The following SAMMSON variants were observed in gnomAD, a reference collection of about 807,000 sequenced individuals.
The protein encoded by SAMMSON is long intergenic non-protein coding RNA 1212.
chr3:70,217,495 C>G (rs778324691), intron 4 of SAMMSON, among the ~76,000 whole-genome samples: 3 of 152,094 alleles, frequency 2.0e-5, no homozygotes, highest in Non-Finnish European at 4.4e-5. Flanking sequence ...AGAAGTTTGT[C>G]TATGCTCTGA....
intron 6 of SAMMSON, among the ~76,000 whole-genome samples, chr3:70,260,403 A>G (rs1701854675): frequency 6.6e-6 from 1 of 151,962 alleles, no homozygotes; most frequent in South Asian, 2.1e-4. Flanking sequence ...CAACAACCCT[A>G]TTTCCAAATA....
At chr3:70,392,938 G>C (rs1431681901), downstream of SAMMSON, among the ~76,000 whole-genome samples, 1 of 152,098 alleles carries the variant, frequency 6.6e-6, no homozygotes, top group Non-Finnish European at 1.5e-5. Flanking sequence ...TTGGAGCCAG[G>C]CAGATTTTAA....
intron 3 of SAMMSON, among the ~76,000 whole-genome samples, chr3:70,035,283 A>C (rs954515329): frequency 1.2e-4 from 19 of 152,160 alleles, no homozygotes; most frequent in Admixed American, 1.1e-3. Flanking sequence ...TCTTGAAGTC[A>C]GTAACAGCAC....
At chr3:70,221,938 G>T (rs896338994) in intron 4 of SAMMSON, among the ~76,000 whole-genome samples, 2 of 152,090 alleles carry the variant, frequency 1.3e-5, no homozygotes, top group Non-Finnish European at 2.9e-5. Context: ...CTATCAGTTG[G>T]GTAGATTAGT....
chr3:70,076,284 C>A (rs1040466828), intron 4 of SAMMSON, among the ~76,000 whole-genome samples: 1 of 152,050 alleles, frequency 6.6e-6, no homozygotes, highest in African/African-American at 2.4e-5. Context: ...AGGAAGAATT[C>A]TTTCTGTCTT....
intron 9 of SAMMSON, among the ~76,000 whole-genome samples, chr3:70,373,160 T>G (rs887347005): frequency 3.3e-5 from 5 of 152,162 alleles, no homozygotes; most frequent in Non-Finnish European, 7.4e-5. Context: ...TAGTCATTTT[T>G]TAAAAGCATG....
At chr3:70,129,004 C>T (rs937756544) in intron 4 of SAMMSON, among the ~76,000 whole-genome samples, 2 of 152,112 alleles carry the variant, frequency 1.3e-5, no homozygotes, top group Non-Finnish European at 2.9e-5. Context: ...TTTATGTAAG[C>T]ATCAAATGCA....
intron 4 of SAMMSON, among the ~76,000 whole-genome samples, chr3:70,142,115 C>T (rs936525454): frequency 1.8e-4 from 12 of 65,496 alleles, no homozygotes; most frequent in Admixed American, 4.2e-4. Flanking sequence ...CTATGGAAAA[C>T]AGCATGGAGG....
chr3:70,317,552 C>G (rs1702503715), intron 7 of SAMMSON, among the ~76,000 whole-genome samples: 1 of 151,476 alleles, frequency 6.6e-6, no homozygotes, highest in Non-Finnish European at 1.5e-5. Flanking sequence ...TTGCAGCAGT[C>G]TGGAACTAAA....
At chr3:70,265,331 AT>A (rs1199745400) in intron 6 of SAMMSON, among the ~76,000 whole-genome samples, 1 of 152,222 alleles carries the variant, frequency 6.6e-6, no homozygotes, top group African/African-American at 2.4e-5. Context: ...CAAGTGTGAT[AT>A]TCTTTTCACT....
chr3:70,240,224 C>A (rs1197558943), intron 4 of SAMMSON, among the ~76,000 whole-genome samples: 3 of 151,946 alleles, frequency 2.0e-5, no homozygotes, highest in Non-Finnish European at 4.4e-5. Context: ...ACAGAGCCAT[C>A]CTGGTGAACT....
At chr3:70,342,683 A>C (rs1702720043) in intron 7 of SAMMSON, among the ~76,000 whole-genome samples, 1 of 152,220 alleles carries the variant, frequency 6.6e-6, no homozygotes, top group Admixed American at 6.5e-5. Flanking sequence ...CTTTATTTCC[A>C]GAAACATCAT....
At chr3:70,024,976 A>G (rs1171807149) in intron 3 of SAMMSON, 1 of 152,162 alleles carries the variant, frequency 6.6e-6, no homozygotes, top group African/African-American at 2.4e-5. Context: ...AGCTTGCCCC[A>G]TTCTTGGTGA....
intron 2 of SAMMSON, among the ~76,000 whole-genome samples, chr3:70,434,213 T>C (rs774766187): frequency 1.3e-5 from 2 of 152,204 alleles, no homozygotes; most frequent in Admixed American, 1.3e-4. Context: ...GTAGATCAGA[T>C]TGGGAAAGAC....
At chr3:70,045,458 C>T (rs533828157) in intron 3 of SAMMSON, among the ~76,000 whole-genome samples, 27 of 151,702 alleles carry the variant, frequency 1.8e-4, no homozygotes, top group African/African-American at 6.5e-4. Context: ...GAGGCTCATT[C>T]AGTAGCACAC....
chr3:70,267,711 C>T (rs992100211), intron 6 of SAMMSON, among the ~76,000 whole-genome samples: 2 of 151,866 alleles, frequency 1.3e-5, no homozygotes, highest in African/African-American at 4.8e-5. Flanking sequence ...CCACCCCGCC[C>T]AGCCTAAAAT....
chr3:70,194,277 A>G (rs1701154761), intron 4 of SAMMSON, among the ~76,000 whole-genome samples: 1 of 152,240 alleles, frequency 6.6e-6, no homozygotes, highest in Non-Finnish European at 1.5e-5. Flanking sequence ...TTCCCTGAGA[A>G]GTCCCACCTT....
chr3:70,392,783 TG>T (rs1452361334), downstream of SAMMSON, among the ~76,000 whole-genome samples: 1 of 152,118 alleles, frequency 6.6e-6, no homozygotes, highest in Non-Finnish European at 1.5e-5. Flanking sequence ...GGATAAAACT[TG>T]TGATAATTTT....
intron 3 of SAMMSON, among the ~76,000 whole-genome samples, chr3:70,053,731 G>A (rs1467165036): frequency 1.3e-5 from 2 of 152,054 alleles, no homozygotes; most frequent in African/African-American, 2.4e-5. Flanking sequence ...ACATATCTGG[G>A]GGTCTTTCTT....
Sources: gnomAD v4.1 joint callset for allele counts (sites outside exome capture counted in the v4.1 genomes callset) on GRCh38, gnomAD v4.1.1 for gene constraint, MANE v1.5 for transcripts, NCBI Gene and HGNC (gene_info 2026-07-23, HGNC 2026-07-21) for gene names.